The following CFAP74 variants were observed in gnomAD, a reference collection of about 807,000 sequenced individuals.
CFAP74 encodes cilia and flagella associated protein 74.
In CFAP74, 124 loss-of-function variants were observed where a neutral mutation model predicts 188.9. The ratio of observed to expected loss-of-function variants is 0.66; its 90% CI spans 0.57 to 0.76. CFAP74 has a LOEUF of 0.76. Ranked by LOEUF, CFAP74 falls within the 30% of genes least tolerant of loss-of-function variation. CFAP74 has a pLI of 0.00. For missense variants in CFAP74, 2,198 were observed against 2,165.2 expected, an observed-to-expected ratio of 1.02 and a Z score of -0.30; for synonymous variants, 956 against 916.7, an observed-to-expected ratio of 1.04 and a Z score of -0.77.
intron 14 of CFAP74, among the ~76,000 whole-genome samples, chr1:1,961,221 G>T (rs909805122): frequency 6.6e-6 from 1 of 152,170 alleles, no homozygotes; most frequent in Non-Finnish European, 1.5e-5. Flanking sequence ...AGAATGAATG[G>T]GGGAGGGGCG....
rs1226624265 is a variant in CFAP74, at chr1:1,927,034, A to C, written c.3528-6T>G. 6.5e-7 allele frequency: 1 copy of C among 1,550,164 alleles called. No homozygotes were observed. Among genetic ancestry groups the C allele is most frequent in the Non-Finnish European group, 8.7e-7 (1 of 1,146,832 alleles). On this transcript the variant is annotated splice_region_variant and splice_polypyrimidine_tract_variant and intron_variant, in intron 28 of 38. Transcript: ENST00000682832. ...CGGCCTGGTACTCGTCGGAACTAGA[A>C]GGAAGTCAGAGGCTTGCGCTCCCGC...
intron 6 of CFAP74, among the ~76,000 whole-genome samples, chr1:1,980,001 T>G (rs1473714200): frequency 6.6e-6 from 1 of 151,864 alleles, no homozygotes; most frequent in Non-Finnish European, 1.5e-5. Context: ...AGGGCTCTGC[T>G]GCTTCATTCA....
Position 1,972,918 on chromosome 1 carries a change from C to T in CFAP74, c.785+19G>A, listed in dbSNP as rs143627362. 3.3e-4 allele frequency: 512 copies of T among 1,532,526 alleles called. No individual in the cohort carries two copies. The African/African-American group carries it at 5.7e-3, about 17-fold the overall frequency. The allele number at this position is 1,532,526 out of a possible 1,614,324, so 94.9% of individuals were successfully genotyped here. ...GTATTCTTGGGTTTCTCCTTAAGGA[C>T]GTCGAAGGGAGGCCCTACCTTCCCA... On this transcript the variant is annotated intron_variant, in intron 8 of 38. Coordinates refer to ENST00000682832, the MANE Select transcript of CFAP74 (RefSeq NM_001304360.2).
At chr1:1,988,846 C>CCCCA in intron 3 of CFAP74, 43 bp downstream of exon 3, 1 of 402,622 alleles carries the variant, frequency 2.5e-6, no homozygotes, top group Non-Finnish European at 4.6e-6. Flanking sequence ...ACCCCCACCC[C>CCCCA]CACCCCCCCA....
At chr1:1,932,217 A>T (rs549211577) in intron 25 of CFAP74, among the ~76,000 whole-genome samples, 23 of 151,824 alleles carry the variant, frequency 1.5e-4, no homozygotes, top group African/African-American at 5.6e-4. Flanking sequence ...TAACATGGTG[A>T]AACCCCGTCT....
At chr1:1,940,080 C>A (rs1653260685) in intron 23 of CFAP74, among the ~76,000 whole-genome samples, 1 of 150,024 alleles carries the variant, frequency 6.7e-6, no homozygotes, top group Admixed American at 6.6e-5. Flanking sequence ...TGTGCACATG[C>A]AGGTGCAGGT....
chr1:1,938,874 AG>A lies in CFAP74; in HGVS notation c.2991del (p.Cys998AlafsTer16). 1 of 1,536,160 alleles carries A rather than the reference AG, an allele frequency of 6.5e-7. No homozygotes were observed. Among genetic ancestry groups the A allele is most frequent in the East Asian group, 2.4e-5 (1 of 40,914 alleles). On this transcript the variant is annotated frameshift_variant, in exon 25 of 39. Coordinates refer to ENST00000682832, the MANE Select transcript of CFAP74 (RefSeq NM_001304360.2). LOFTEE classifies it high-confidence loss of function. ...TKAEEHRFQL[T>X]CKSEINRCFK... ...GCTCACCGGTTGATCTCAGACTTGC[AG>A]GTCAGTTGGAATCTGTGTTCCTCGG...
At chr1:2,000,777 A>G (rs1658167813) in intron 1 of CFAP74, among the ~76,000 whole-genome samples, 1 of 152,026 alleles carries the variant, frequency 6.6e-6, no homozygotes, top group South Asian at 2.1e-4. Flanking sequence ...CTATTCTAGT[A>G]TGTCCTCCTC....
chr1:1,945,953 TG>T (rs1362913893), intron 20 of CFAP74, among the ~76,000 whole-genome samples: 2 of 130,538 alleles, frequency 1.5e-5, no homozygotes, highest in African/African-American at 5.7e-5. Context: ...GTGGGGGCTC[TG>T]TGTATGTGCG....
chr1:1,926,597 G>C (rs1313876253), intron 30 of CFAP74, 55 bp downstream of exon 30: 12 of 1,545,378 alleles, frequency 7.8e-6, no homozygotes, highest in Non-Finnish European at 1.1e-5. Flanking sequence ...GCTGGGGGAG[G>C]CGTGGGTGTG....
intron 14 of CFAP74, among the ~76,000 whole-genome samples, chr1:1,961,296 A>G (rs1222232918): frequency 6.6e-6 from 1 of 152,180 alleles, no homozygotes; most frequent in African/African-American, 2.4e-5. Context: ...TTCAGATTCA[A>G]CAGCACAGTG....
intron 4 of CFAP74, among the ~76,000 whole-genome samples, chr1:1,988,305 C>T (rs1004785514): frequency 6.6e-6 from 1 of 152,192 alleles, no homozygotes; most frequent in East Asian, 1.9e-4. Context: ...CACTTGTTTC[C>T]GCCTTTTCTG....
chr1:1,950,959 T>C (rs1654167896), intron 18 of CFAP74, among the ~76,000 whole-genome samples: 1 of 152,216 alleles, frequency 6.6e-6, no homozygotes, highest in Admixed American at 6.5e-5. Context: ...TTTAGGTACA[T>C]CATCTATTTT....
chr1:1,976,251 GC>G (rs1259819994), intron 6 of CFAP74, among the ~76,000 whole-genome samples: 2 of 152,222 alleles, frequency 1.3e-5, no homozygotes, highest in Admixed American at 1.3e-4. Flanking sequence ...TTGAACCGGA[GC>G]CCCCAGTGTT....
intron 25 of CFAP74, among the ~76,000 whole-genome samples, chr1:1,935,673 C>T (rs1250549828): frequency 3.3e-5 from 5 of 151,942 alleles, no homozygotes; most frequent in South Asian, 2.1e-4. Flanking sequence ...AAGCCAGCTC[C>T]GACTTGAGGG....
At chr1:1,951,940 G>A (rs532151910) in intron 18 of CFAP74, among the ~76,000 whole-genome samples, 138 of 152,138 alleles carry the variant, frequency 9.1e-4, no homozygotes, top group Non-Finnish European at 1.6e-3. Context: ...AAAGAGCATC[G>A]GTGAGCGGCC....
intron 20 of CFAP74, among the ~76,000 whole-genome samples, chr1:1,945,769 A>G (rs777731505): frequency 5.4e-4 from 82 of 151,332 alleles, no homozygotes; most frequent in Non-Finnish European, 9.6e-4. Context: ...TAGAGGCTGA[A>G]GTGAGCTGTG....
At position 1,928,744 on chromosome 1, in the gene CFAP74, C is replaced by A. The variant is rs923295529; in HGVS notation, c.3387+40G>T. ...GTGGAGTTTGTTCCTGCAACAGGCCCTTCCCCGACCTACGCCCCTCCTTCC... is the reference window on the plus strand; with the variant it reads ...GTGGAGTTTGTTCCTGCAACAGGCCATTCCCCGACCTACGCCCCTCCTTCC... On this transcript the variant is annotated intron_variant, in intron 27 of 38. Coordinates refer to ENST00000682832, the MANE Select transcript of CFAP74 (RefSeq NM_001304360.2). 7 of 1,470,830 alleles carry A rather than the reference C, an allele frequency of 4.8e-6. No individual in the cohort carries two copies. The African/African-American group carries it at 9.8e-5, about 21-fold the overall frequency. 91.1% of individuals were successfully genotyped at this position (1,470,830 alleles called of 1,614,324 possible).
intron 4 of CFAP74, chr1:1,988,116 T>C (rs1245714449): frequency 2.1e-6 from 1 of 474,858 alleles, no homozygotes; most frequent in Admixed American, 2.3e-5. Flanking sequence ...GCTGAATGTT[T>C]TTAGTTTTTA....
Sources: gnomAD v4.1 joint callset for allele counts (sites outside exome capture counted in the v4.1 genomes callset) on GRCh38, gnomAD v4.1.1 for gene constraint, MANE v1.5 for transcripts, NCBI Gene and HGNC (gene_info 2026-07-23, HGNC 2026-07-21) for gene names.